KCNT2: variants seen among roughly 807,000 people sequenced by gnomAD.
KCNT2 encodes the protein potassium channel subfamily T member 2.
Under a neutral mutation model 153.8 loss-of-function variants are expected in KCNT2, and 67 were observed. The observed-to-expected ratio is 0.44, with a 90% CI of 0.36 to 0.53. The LOEUF is 0.53. KCNT2 is among the 20% of genes least tolerant of loss of function. KCNT2 has a pLI of 0.00. For synonymous variants in KCNT2, 500 were observed against 458.8 expected, an observed-to-expected ratio of 1.09 and a Z score of -1.15; for missense variants, 975 against 1,354.8, an observed-to-expected ratio of 0.72 and a Z score of 4.40.
intron 13 of KCNT2, among the ~76,000 whole-genome samples, chr1:196,389,051 C>T (rs1254543035): frequency 6.6e-6 from 1 of 151,644 alleles, no homozygotes; most frequent in Non-Finnish European, 1.5e-5. Flanking sequence ...TTGTTAAAAA[C>T]ATTACTGATT....
intron 13 of KCNT2, among the ~76,000 whole-genome samples, chr1:196,390,423 T>A (rs1670373254): frequency 1.3e-5 from 2 of 151,478 alleles, no homozygotes; most frequent in African/African-American, 2.4e-5. Flanking sequence ...ATTTTCTCAA[T>A]CTCCCTTGGT....
At chr1:196,580,504 C>A (rs1254562236) in intron 1 of KCNT2, among the ~76,000 whole-genome samples, 1 of 152,004 alleles carries the variant, frequency 6.6e-6, no homozygotes, top group Non-Finnish European at 1.5e-5. Context: ...GAAACACTAT[C>A]AATAGGTAAC....
At chr1:196,334,945 G>C (rs1157777407) in intron 16 of KCNT2, among the ~76,000 whole-genome samples, 2 of 152,086 alleles carry the variant, frequency 1.3e-5, no homozygotes, top group Non-Finnish European at 2.9e-5. Flanking sequence ...GAGGCAGTAA[G>C]AATGGCAAGC....
At chr1:196,581,739 G>GTTCTTTC (rs1336410653) in intron 1 of KCNT2, among the ~76,000 whole-genome samples, 1 of 151,982 alleles carries the variant, frequency 6.6e-6, no homozygotes, top group East Asian at 1.9e-4. Context: ...ATTAACTTCA[G>GTTCTTTC]TTCATTTTAA....
chr1:196,506,928 T>C (rs1681192512), intron 1 of KCNT2, among the ~76,000 whole-genome samples: 1 of 152,158 alleles, frequency 6.6e-6, no homozygotes, highest in Admixed American at 6.6e-5. Flanking sequence ...TTCTCTATAA[T>C]AATATTCACC....
At chr1:196,311,829 GATGCCAGTGAC>G (rs1052552694) in intron 21 of KCNT2, among the ~76,000 whole-genome samples, 5 of 151,690 alleles carry the variant, frequency 3.3e-5, no homozygotes, top group African/African-American at 4.8e-5. Context: ...AATAATGACA[GATGCCAGTGAC>G]ATGCCAAACA....
At chr1:196,564,115 AC>A (rs1363597415) in intron 1 of KCNT2, among the ~76,000 whole-genome samples, 2 of 151,770 alleles carry the variant, frequency 1.3e-5, no homozygotes, top group African/African-American at 4.8e-5. Context: ...AATACAAAAG[AC>A]CCCACCAAAA....
chr1:196,597,021 T>C (rs927517430), intron 1 of KCNT2, among the ~76,000 whole-genome samples: 3 of 152,114 alleles, frequency 2.0e-5, no homozygotes, highest in African/African-American at 7.2e-5. Context: ...TAATAGAACA[T>C]TAAATTGTAT....
At chr1:196,369,883 T>G (rs1435866723) in intron 14 of KCNT2, among the ~76,000 whole-genome samples, 2 of 152,032 alleles carry the variant, frequency 1.3e-5, no homozygotes, top group Admixed American at 6.6e-5. Context: ...TAGTTCTAGA[T>G]CCCTGAGGAA....
At chr1:196,372,888 G>A (rs985973911) in intron 14 of KCNT2, among the ~76,000 whole-genome samples, 1 of 151,788 alleles carries the variant, frequency 6.6e-6, no homozygotes, top group African/African-American at 2.4e-5. Context: ...CCGGCACTTA[G>A]AATTTACTAA....
chr1:196,286,642 C>T (rs914868314), intron 22 of KCNT2, among the ~76,000 whole-genome samples: 7 of 137,420 alleles, frequency 5.1e-5, no homozygotes, highest in African/African-American at 8.8e-5. Flanking sequence ...CACACATACA[C>T]ACACACACAC....
chr1:196,546,637 T>C (rs547065344), intron 1 of KCNT2, among the ~76,000 whole-genome samples: 3 of 152,152 alleles, frequency 2.0e-5, no homozygotes, highest in African/African-American at 7.2e-5. Flanking sequence ...CAGATTCTAA[T>C]GAGTGATGAA....
At chr1:196,319,934 A>T (rs2148038442) in intron 19 of KCNT2, among the ~76,000 whole-genome samples, 1 of 151,942 alleles carries the variant, frequency 6.6e-6, no homozygotes, top group African/African-American at 2.4e-5. Context: ...TAGATGATCT[A>T]AAGCAATGGG....
chr1:196,553,151 T>C (rs1239216258), intron 1 of KCNT2, among the ~76,000 whole-genome samples: 2 of 150,868 alleles, frequency 1.3e-5, no homozygotes, highest in Non-Finnish European at 3.0e-5. Flanking sequence ...CAAGACCCAA[T>C]GATCTACTGC....
chr1:196,444,284 A>G (rs1214453575), intron 8 of KCNT2, among the ~76,000 whole-genome samples: 2 of 151,484 alleles, frequency 1.3e-5, no homozygotes, highest in Admixed American at 6.6e-5. Flanking sequence ...TCACTGTGAT[A>G]TCAGAAATCC....
intron 25 of KCNT2, among the ~76,000 whole-genome samples, chr1:196,274,052 A>C (rs982816870): frequency 1.3e-5 from 2 of 151,634 alleles, no homozygotes; most frequent in Non-Finnish European, 3.0e-5. Context: ...ACTATTTTTT[A>C]ATTTCAGATC....
chr1:196,599,685 C>CT (rs1251209409), intron 1 of KCNT2, among the ~76,000 whole-genome samples: 3 of 152,196 alleles, frequency 2.0e-5, no homozygotes, highest in Non-Finnish European at 2.9e-5. Flanking sequence ...CGATTGTCCC[C>CT]TACACATCAG....
chr1:196,341,034 T>C (rs1005852064), intron 15 of KCNT2, among the ~76,000 whole-genome samples: 2 of 151,766 alleles, frequency 1.3e-5, no homozygotes, highest in African/African-American at 2.4e-5. Context: ...AAAATATATA[T>C]ATTTAAATAG....
rs1327654629 is a variant in KCNT2, at chr1:196,409,422, G to GT, written c.1186-10752dup. ...AAAGAATCTCACTGCAGTATATTTT[G>GT]TTTTTTTCAGTCATTATGCTAGAAT... On this transcript the variant is annotated intron_variant, in intron 12 of 27. Coordinates refer to ENST00000294725, the MANE Select transcript of KCNT2 (RefSeq NM_198503.5). Among the ~76,000 whole-genome samples the GT allele has an allele frequency of 1.3e-4, 19 of 150,822 alleles. 3 individuals are homozygous for GT. Among genetic ancestry groups the GT allele is most frequent in the African/African-American group, 3.9e-4 (16 of 41,204 alleles).
Sources: gnomAD v4.1 joint callset for allele counts (sites outside exome capture counted in the v4.1 genomes callset) on GRCh38, gnomAD v4.1.1 for gene constraint, MANE v1.5 for transcripts, NCBI Gene and HGNC (gene_info 2026-07-23, HGNC 2026-07-21) for gene names.